The following INSL6 variants were observed in gnomAD, a reference collection of about 807,000 sequenced individuals.
INSL6 encodes insulin-like peptide INSL6.
INSL6 carries 16 observed loss-of-function variants against 9.4 expected under a neutral mutation model. The observed-to-expected ratio is 1.70, with a 90% confidence interval of 1.15 to 2.59. The LOEUF is 2.59. Among genes scored for constraint, INSL6 ranks in the 30% most tolerant of loss-of-function variants. The probability of loss-of-function intolerance (pLI) is 0.00; values close to 1 mark genes in which losing one functional copy is unlikely to be tolerated. For synonymous variants in INSL6, 154 were observed against 96.9 expected (o/e 1.59, Z -3.46); for missense variants, 391 against 257.3 (o/e 1.52, Z -3.56).
intron 2 of INSL6, among the ~76,000 whole-genome samples, chr9:5,134,666 C>T (rs1477712742): frequency 6.6e-6 from 1 of 152,122 alleles, no homozygotes; most frequent in Non-Finnish European, 1.5e-5. Flanking sequence ...TCAGGCCTGC[C>T]TAACAAGAGC....
chr9:5,069,845 C>T, the INSL6 span: 1 of 852,362 alleles, frequency 1.2e-6, no homozygotes, highest in Non-Finnish European at 1.7e-6. Context: ...ACGTAGAACA[C>T]ATTTCATTTT....
At chr9:5,034,757 A>T in the INSL6 span, among the ~76,000 whole-genome samples, 3 of 152,308 alleles carry the variant, frequency 2.0e-5, no homozygotes, top group Admixed American at 2.0e-4. Context: ...AGGGAAATTT[A>T]TAGCACTAAA....
the INSL6 span, chr9:5,022,332 G>T: frequency 5.7e-4 from 355 of 625,318 alleles, 1 homozygote; most frequent in East Asian, 8.7e-3. Flanking sequence ...TATGGCTGGC[G>T]TGTGTGTTTT....
the INSL6 span, among the ~76,000 whole-genome samples, chr9:4,996,176 G>A: frequency 6.6e-6 from 1 of 152,160 alleles, no homozygotes. Context: ...TTATTTTAGA[G>A]GGTCAAATTT....
At chr9:5,106,111 G>C in the INSL6 span, among the ~76,000 whole-genome samples, 1 of 152,176 alleles carries the variant, frequency 6.6e-6, no homozygotes, top group Non-Finnish European at 1.5e-5. Flanking sequence ...ACTACCATTA[G>C]AGTGGACAGG....
downstream of INSL6, chr9:5,122,910 GT>G (rs796174169): frequency 0.033 from 19,736 of 604,942 alleles, no homozygotes; most frequent in South Asian, 0.042. Flanking sequence ...TTCTCTACAT[GT>G]TTTTTTTTTT....
At chr9:5,080,102 C>T in the INSL6 span, 1 of 707,944 alleles carries the variant, frequency 1.4e-6, no homozygotes, top group Non-Finnish European at 2.3e-6. Context: ...TGTGCACATC[C>T]AACCCCTCCA....
chr9:5,161,991 A>T (rs552081343), downstream of INSL6, among the ~76,000 whole-genome samples: 1 of 151,988 alleles, frequency 6.6e-6, no homozygotes, highest in Non-Finnish European at 1.5e-5. Context: ...AGGTGGGAGG[A>T]TCACTTGAGC....
the INSL6 span, among the ~76,000 whole-genome samples, chr9:4,996,894 G>C: frequency 6.6e-6 from 1 of 151,346 alleles, no homozygotes; most frequent in African/African-American, 2.4e-5. Flanking sequence ...TTCATGGTGG[G>C]AGTTCTCTCC....
the INSL6 span, among the ~76,000 whole-genome samples, chr9:5,060,388 A>G: frequency 6.6e-6 from 1 of 152,208 alleles, no homozygotes; most frequent in South Asian, 2.1e-4. Context: ...TACCCACAGT[A>G]GAATTTCTTT....
the INSL6 span, among the ~76,000 whole-genome samples, chr9:5,074,490 G>C: frequency 6.6e-6 from 1 of 152,046 alleles, no homozygotes; most frequent in Non-Finnish European, 1.5e-5. Flanking sequence ...GGTGATCTGT[G>C]ATCAGTAATC....
the INSL6 span, among the ~76,000 whole-genome samples, chr9:4,999,603 G>A: frequency 6.6e-6 from 1 of 152,202 alleles, no homozygotes; most frequent in East Asian, 1.9e-4. Flanking sequence ...CTGTCTGCAA[G>A]CTTGAGGAGC....
the INSL6 span, among the ~76,000 whole-genome samples, chr9:5,051,153 A>G: frequency 3.9e-5 from 6 of 152,248 alleles, no homozygotes; most frequent in African/African-American, 1.4e-4. Context: ...TAGTCAACCT[A>G]TAATAAAAAA....
the INSL6 span, among the ~76,000 whole-genome samples, chr9:5,036,987 A>G: frequency 3.9e-5 from 6 of 152,236 alleles, no homozygotes; most frequent in Non-Finnish European, 7.3e-5. Context: ...AATATCCAGA[A>G]TATACAATGA....
chr9:5,087,483 C>T, the INSL6 span, among the ~76,000 whole-genome samples: 19 of 42,630 alleles, frequency 4.5e-4, no homozygotes, highest in Non-Finnish European at 6.1e-4. Flanking sequence ...CACTCCCTTA[C>T]TTGATTTCTT....
chr9:5,032,855 G>C, the INSL6 span, among the ~76,000 whole-genome samples: 1 of 152,286 alleles, frequency 6.6e-6, no homozygotes, highest in Admixed American at 6.5e-5. Context: ...TCCTCCAAAG[G>C]AACGCAGCTC....
the INSL6 span, among the ~76,000 whole-genome samples, chr9:4,992,474 G>A: frequency 1.3e-5 from 2 of 152,090 alleles, no homozygotes; most frequent in Non-Finnish European, 2.9e-5. Flanking sequence ...TAGTGTTATG[G>A]CCATCTTTGG....
the INSL6 span, chr9:5,078,505 G>T: frequency 1.2e-5 from 16 of 1,280,952 alleles, no homozygotes; most frequent in South Asian, 3.1e-5. Context: ...TGGTGTAAAG[G>T]GCATGTTGTT....
the INSL6 span, among the ~76,000 whole-genome samples, chr9:5,106,899 G>A: frequency 8.4e-4 from 127 of 152,070 alleles, 2 homozygotes; most frequent in Admixed American, 7.9e-4. Flanking sequence ...GGGCCCGGGG[G>A]AGGGATAGCA....
Sources: allele counts gnomAD v4.1 joint callset (sites outside exome capture counted in the v4.1 genomes callset), GRCh38; gene constraint gnomAD v4.1.1; transcripts MANE v1.5; gene names NCBI Gene and HGNC (gene_info 2026-07-23, HGNC 2026-07-21).